Variants in PRKD3 observed in about 807,000 individuals in gnomAD.
The protein encoded by PRKD3 is protein kinase D3, also known as serine/threonine-protein kinase D3.
A neutral mutation model predicts 99.2 loss-of-function variants in PRKD3; 47 were observed. The observed-to-expected ratio is 0.47, with a 90% CI of 0.38 to 0.60. The LOEUF is 0.60. Ranked by LOEUF, PRKD3 falls within the 20% of genes least tolerant of loss-of-function variation. PRKD3 has a pLI of 0.00. For missense variants in PRKD3, 1,019 were observed against 1,088.4 expected (o/e 0.94, Z 0.90); for synonymous variants, 392 against 355.4 (o/e 1.10, Z -1.16).
At chr2:37,264,646 C>T (rs1668709599) in intron 14 of PRKD3, among the ~76,000 whole-genome samples, 1 of 151,922 alleles carries the variant, frequency 6.6e-6, no homozygotes, top group Non-Finnish European at 1.5e-5. Flanking sequence ...AGAAAGCATT[C>T]CAGGCAGAGG....
chr2:37,254,159 C>A, intron 18 of PRKD3, 45 bp downstream of exon 18: 1 of 1,402,696 alleles, frequency 7.1e-7, no homozygotes, highest in Non-Finnish European at 1.0e-6. Context: ...TCAGAGTGAA[C>A]TACTCAAATG....
chr2:37,322,830 G>A (rs1247770391), intron 1 of PRKD3, among the ~76,000 whole-genome samples: 1 of 152,130 alleles, frequency 6.6e-6, no homozygotes, highest in African/African-American at 2.4e-5. Flanking sequence ...AATCATCACA[G>A]AAGATTGTGA....
At chr2:37,290,360 G>C (rs1026514969) in intron 4 of PRKD3, among the ~76,000 whole-genome samples, 2 of 152,078 alleles carry the variant, frequency 1.3e-5, no homozygotes, top group African/African-American at 4.8e-5. Context: ...AGCCTCCCGA[G>C]TAGCTGGGAT....
chr2:37,300,942 G>C (rs1670897435), intron 2 of PRKD3, among the ~76,000 whole-genome samples: 1 of 152,084 alleles, frequency 6.6e-6, no homozygotes, highest in South Asian at 2.1e-4. Flanking sequence ...TACTTGTTTT[G>C]CCACGTTTTT....
intron 16 of PRKD3, among the ~76,000 whole-genome samples, chr2:37,258,843 G>T (rs1309022166): frequency 6.6e-6 from 1 of 152,210 alleles, no homozygotes; most frequent in South Asian, 2.1e-4. Context: ...CTTGCCATTT[G>T]TCTAAATGTA....
rs780020699 is a variant in PRKD3, at chr2:37,267,475, G to A, written c.1839C>T (p.Pro613=). The A allele has an allele frequency of 1.2e-6, 2 of 1,610,260 alleles. No individual in the cohort carries two copies. Among genetic ancestry groups the A allele is most frequent in the Non-Finnish European group, 8.5e-7 (1 of 1,177,942 alleles). Residue 613 remains proline (P), a synonymous_variant, in exon 14 of 19, where the codon CCC becomes CCT. Coordinates refer to ENST00000234179, the MANE Select transcript of PRKD3 (RefSeq NM_005813.6). Reference sequence around the variant, plus strand: ...TACGGAGTTGACTTTCTTGTTTTGTGGGGAATCTCATCTTATCAATTACTT... The same window carrying A: ...TACGGAGTTGACTTTCTTGTTTTGTAGGGAATCTCATCTTATCAATTACTT... ...AIKVIDKMRF[P]TKQESQLRNE... is the part of the protein sequence containing the mutation.
intron 12 of PRKD3, among the ~76,000 whole-genome samples, 160 bp downstream of exon 12, chr2:37,272,220 T>C (rs1669312878): frequency 6.6e-6 from 1 of 152,210 alleles, no homozygotes; most frequent in South Asian, 2.1e-4. Flanking sequence ...AAATCTGCCC[T>C]AGTTTCCTCT....
Position 37,316,297 on chromosome 2 carries a change from T to C in PRKD3, c.228A>G (p.Glu76=). 1 of 1,614,256 alleles carries C rather than the reference T, an allele frequency of 6.2e-7. No individual in the cohort carries two copies. The highest frequency in any genetic ancestry group is 8.5e-7 in the Non-Finnish European group (1 of 1,180,050). Residue 76 remains glutamate, a synonymous_variant, in exon 2 of 19, where the codon GAA becomes GAG. Transcript: ENST00000234179. ...CAGCAGATAAAGACAGTTCCTGGGC[T>C]TCAATGGTAACACTCTCCCGTGTGA... The part of the protein sequence containing the change: ...IGLTRESVTI[E]AQELSLSAVK...
In PRKD3 at chr2:37,275,788, T is replaced by G. The variant is rs1186530634; in HGVS notation, c.1353A>C (p.Glu451Asp). 2 of 1,610,380 alleles carry G rather than the reference T, an allele frequency of 1.2e-6. No homozygotes were observed. Among genetic ancestry groups the G allele is most frequent in the African/African-American group, 2.7e-5 (2 of 74,822 alleles). Residue 451 changes from glutamate (E) to aspartate (D), a missense_variant, in exon 10 of 19, where the codon GAA becomes GAC. Glu to Asp is a conservative substitution (Grantham distance 45). Around this residue, in one of 3 missense-constraint regions of PRKD3, gnomAD observed 710 missense variants for 692.7 expected, o/e 1.02. Transcript: ENST00000234179. ...DSKCLTLFQN[E>D]SGSKYYKEIP... ...TTACCTTATAATACTTTGATCCAGA[T>G]TCATTCTGAAATAATGTTAGACATT...
At chr2:37,272,256 T>C in intron 12 of PRKD3, 124 bp downstream of exon 12, 2 of 1,440,050 alleles carry the variant, frequency 1.4e-6, no homozygotes, top group Non-Finnish European at 9.2e-7. Flanking sequence ...TTAGGGAAGT[T>C]ACCAACCGCA....
At chr2:37,261,541 G>C (rs1045997342) in intron 14 of PRKD3, among the ~76,000 whole-genome samples, 1 of 151,828 alleles carries the variant, frequency 6.6e-6, no homozygotes, top group Non-Finnish European at 1.5e-5. Flanking sequence ...AACATTTTGC[G>C]AGGCCAAGGC....
chr2:37,303,758 A>G (rs1671042097), intron 2 of PRKD3, among the ~76,000 whole-genome samples: 1 of 152,222 alleles, frequency 6.6e-6, no homozygotes, highest in Non-Finnish European at 1.5e-5. Context: ...ACTTTTTTAA[A>G]AAGAAGAATG....
intron 5 of PRKD3, 147 bp downstream of exon 5, chr2:37,289,209 G>T: frequency 1.0e-6 from 1 of 960,322 alleles, no homozygotes; most frequent in Non-Finnish European, 1.5e-6. Flanking sequence ...GGTAAGTCCT[G>T]TCTCCATTAC....
In PRKD3 at chr2:37,250,573, A is replaced by G. The variant is rs191184528; in HGVS notation, c.*2604T>C. On this transcript the variant is annotated 3_prime_UTR_variant, in exon 19 of 19. Transcript: ENST00000234179. ...TAAAAAAAAATCAGTGTTTTTAAAT[A>G]TAGCATTAGTTCCATTTACAAATAC... The G allele has an allele frequency of 1.8e-3, 272 of 152,302 alleles. 2 individuals are homozygous for G. Among genetic ancestry groups the G allele is most frequent in the African/African-American group, 6.4e-3 (268 of 41,556 alleles). 9.4% of individuals were successfully genotyped at this position (152,302 alleles called of 1,614,324 possible).
chr2:37,309,444 C>G (rs1266140212), intron 2 of PRKD3, among the ~76,000 whole-genome samples: 1 of 152,126 alleles, frequency 6.6e-6, no homozygotes, highest in Non-Finnish European at 1.5e-5. Context: ...TACAGAGAAG[C>G]ATGCTTACTT....
chr2:37,270,484 G>A (rs1038378318), intron 12 of PRKD3, among the ~76,000 whole-genome samples: 2 of 151,604 alleles, frequency 1.3e-5, no homozygotes, highest in South Asian at 2.1e-4. Context: ...ACTGCTCTTC[G>A]CCCCCTTCCC....
At chr2:37,301,365 CT>C (rs138708020) in intron 2 of PRKD3, among the ~76,000 whole-genome samples, 12 of 148,426 alleles carry the variant, frequency 8.1e-5, no homozygotes, top group East Asian at 2.0e-4. Flanking sequence ...GGAGAAGAGC[CT>C]TTTTTTTTTC....
intron 18 of PRKD3, 113 bp downstream of exon 18, chr2:37,254,091 C>T: frequency 1.3e-6 from 1 of 763,706 alleles, no homozygotes; most frequent in Non-Finnish European, 2.2e-6. Context: ...AAATTAATCA[C>T]TTAAGAGCAC....
chr2:37,315,065 C>T (rs968441283), intron 2 of PRKD3, among the ~76,000 whole-genome samples: 1 of 152,002 alleles, frequency 6.6e-6, no homozygotes, highest in Admixed American at 6.6e-5. Context: ...AGAATTGAAA[C>T]AAAGACAGTA....
Sources: gnomAD v4.1 joint callset for allele counts (sites outside exome capture counted in the v4.1 genomes callset) on GRCh38, gnomAD v4.1.1 for gene constraint, gnomAD v4.1.1 regional missense constraint, MANE v1.5 for transcripts, NCBI Gene and HGNC (gene_info 2026-07-23, HGNC 2026-07-21) for gene names.